Variants in SNTB1 observed in about 807,000 individuals in gnomAD.
The protein encoded by SNTB1 is syntrophin beta 1, also known as beta-1-syntrophin.
Under a neutral mutation model 48.9 loss-of-function variants are expected in SNTB1, and 36 were observed. The ratio of observed to expected loss-of-function variants is 0.74; its 90% confidence interval spans 0.56 to 0.97. SNTB1 has a LOEUF of 0.97. Ranked by LOEUF, SNTB1 falls within the 50% of genes least tolerant of loss-of-function variation. The pLI is 0.00. For synonymous variants in SNTB1, 299 were observed against 294.6 expected, an observed-to-expected ratio of 1.01 and a Z score of -0.15; for missense variants, 786 against 703.4, an observed-to-expected ratio of 1.12 and a Z score of -1.33.
At chr8:120,562,525 C>T (rs1485695391) in intron 4 of SNTB1, among the ~76,000 whole-genome samples, 1 of 152,094 alleles carries the variant, frequency 6.6e-6, no homozygotes, top group Non-Finnish European at 1.5e-5. Context: ...GGAAGGCAAA[C>T]CCCACACTTT....
At chr8:120,580,404 C>T (rs1475498568) in intron 3 of SNTB1, among the ~76,000 whole-genome samples, 4 of 152,276 alleles carry the variant, frequency 2.6e-5, no homozygotes, top group African/African-American at 9.6e-5. Flanking sequence ...TGAGGATGGC[C>T]TCCCATGCAC....
At chr8:120,590,646 G>T (rs4582605) in intron 3 of SNTB1, among the ~76,000 whole-genome samples, 69,919 of 148,894 alleles carry the variant, frequency 0.47, 18,882 homozygotes, top group Non-Finnish European at 0.63. Context: ...CTTCTCCTGT[G>T]TTCATTATAG....
intron 6 of SNTB1, among the ~76,000 whole-genome samples, chr8:120,539,706 CT>C (rs1374506488): frequency 4.6e-5 from 7 of 152,188 alleles, no homozygotes; most frequent in African/African-American, 1.4e-4. Flanking sequence ...TCTCAATTCT[CT>C]TCTGCTGTCC....
chr8:120,765,369 G>A (rs1228304408), intron 1 of SNTB1, among the ~76,000 whole-genome samples: 3 of 152,224 alleles, frequency 2.0e-5, no homozygotes, highest in African/African-American at 7.2e-5. Context: ...TAAGTGAAGT[G>A]GAAGAAATGT....
rs199549031 is a variant in SNTB1, at chr8:120,548,896, G to A, written c.1199C>T (p.Thr400Met). 28 of 1,612,372 alleles carry A rather than the reference G, an allele frequency of 1.7e-5. No homozygotes were observed. The highest frequency in any genetic ancestry group is 6.7e-5 in the East Asian group (3 of 44,836). The change falls in exon 5 of 7, where the codon ACG becomes ATG. Residue 400 changes from threonine (T) to methionine (M), a missense_variant. Transcript: ENST00000517992. ...AATCCCTTGCCTGGTACCAGTTCGC[G>A]TTGCAAAGGACAGATCCACACCAGC... is the stretch of plus-strand genomic sequence containing the variant. ...PQAGVDLSFA[T>M]RTGTRQGIET...
intron 3 of SNTB1, among the ~76,000 whole-genome samples, chr8:120,619,141 T>C (rs545753188): frequency 1.1e-3 from 175 of 152,312 alleles, no homozygotes; most frequent in African/African-American, 4.1e-3. Flanking sequence ...ATACATTATT[T>C]TATGCTTTTA....
chr8:120,606,487 T>C (rs1025692219), intron 3 of SNTB1, among the ~76,000 whole-genome samples: 4 of 151,806 alleles, frequency 2.6e-5, no homozygotes, highest in African/African-American at 9.7e-5. Flanking sequence ...TCTCACTTGC[T>C]TTTTAGTAAA....
At chr8:120,653,445 C>A (rs568588236) in intron 2 of SNTB1, among the ~76,000 whole-genome samples, 16 of 152,164 alleles carry the variant, frequency 1.1e-4, no homozygotes, top group African/African-American at 3.6e-4. Flanking sequence ...TGGTTTCTCC[C>A]TGAAAACATC....
intron 3 of SNTB1, among the ~76,000 whole-genome samples, chr8:120,621,168 C>G (rs935904124): frequency 6.6e-6 from 1 of 152,102 alleles, no homozygotes; most frequent in African/African-American, 2.4e-5. Context: ...CAGTGTTGGC[C>G]AGGGTGGTCT....
At chr8:120,581,080 C>A (rs1276335668) in intron 3 of SNTB1, among the ~76,000 whole-genome samples, 2 of 136,392 alleles carry the variant, frequency 1.5e-5, no homozygotes, top group African/African-American at 5.8e-5. Context: ...CAGAGTGAGA[C>A]CCTGTCTCAA....
At chr8:120,728,625 A>G (rs1818800146) in intron 1 of SNTB1, among the ~76,000 whole-genome samples, 2 of 152,244 alleles carry the variant, frequency 1.3e-5, no homozygotes, top group Non-Finnish European at 1.5e-5. Flanking sequence ...TTCACTTAGG[A>G]TAATGGCCTC....
intron 4 of SNTB1, among the ~76,000 whole-genome samples, chr8:120,551,725 C>CAAAA (rs764008790): frequency 4.6e-3 from 196 of 42,468 alleles, no homozygotes; most frequent in Non-Finnish European, 6.2e-3. Flanking sequence ...GACTCCATCT[C>CAAAA]AAAAAAAAAA....
intron 2 of SNTB1, among the ~76,000 whole-genome samples, chr8:120,687,812 G>C (rs1433632296): frequency 1.3e-5 from 2 of 152,180 alleles, no homozygotes; most frequent in African/African-American, 4.8e-5. Flanking sequence ...CCATCTACTT[G>C]ACAACTGTGT....
chr8:120,571,655 C>T (rs992724746), intron 4 of SNTB1, among the ~76,000 whole-genome samples: 1 of 151,880 alleles, frequency 6.6e-6, no homozygotes, highest in Admixed American at 6.6e-5. Context: ...TGTGCCACCA[C>T]ACCAGGCTAA....
intron 2 of SNTB1, among the ~76,000 whole-genome samples, chr8:120,672,129 G>C (rs907459738): frequency 6.6e-6 from 1 of 151,722 alleles, no homozygotes; most frequent in Non-Finnish European, 1.5e-5. Context: ...CTCAACTGTA[G>C]GCTAATGTAA....
intron 3 of SNTB1, among the ~76,000 whole-genome samples, chr8:120,630,431 C>T (rs1231149026): frequency 6.6e-6 from 1 of 152,184 alleles, no homozygotes; most frequent in Non-Finnish European, 1.5e-5. Flanking sequence ...CTACTGTTGG[C>T]CCTGGAGTTC....
intron 1 of SNTB1, among the ~76,000 whole-genome samples, chr8:120,779,946 G>A (rs983096932): frequency 6.6e-6 from 1 of 152,128 alleles, no homozygotes; most frequent in Non-Finnish European, 1.5e-5. Flanking sequence ...ATATATCCAC[G>A]TAGGGCTCTA....
At chr8:120,633,790 G>A (rs1013589846) in intron 2 of SNTB1, among the ~76,000 whole-genome samples, 21 of 152,100 alleles carry the variant, frequency 1.4e-4, no homozygotes, top group Non-Finnish European at 2.5e-4. Context: ...AGTAGTTGTA[G>A]ATTAGCATGG....
chr8:120,783,010 T>A (rs920981407), intron 1 of SNTB1, among the ~76,000 whole-genome samples: 5 of 152,198 alleles, frequency 3.3e-5, no homozygotes, highest in Non-Finnish European at 7.4e-5. Context: ...AATGAGTGTG[T>A]CTAATCAATA....
Sources: allele counts gnomAD v4.1 joint callset (sites outside exome capture counted in the v4.1 genomes callset), GRCh38; gene constraint gnomAD v4.1.1; transcripts MANE v1.5; gene names NCBI Gene and HGNC (gene_info 2026-07-23, HGNC 2026-07-21).